The following ZNF680 variants were observed in gnomAD, a reference collection of about 807,000 sequenced individuals.
ZNF680 encodes hypothetical protein FLJ90430.
ZNF680 carries 6 observed loss-of-function variants against 12.1 expected under a neutral mutation model. The observed-to-expected ratio is 0.49, with a 90% CI of 0.27 to 0.98. ZNF680 has a LOEUF of 0.98. Ranked by LOEUF, ZNF680 falls within the 50% of genes least tolerant of loss-of-function variation. ZNF680 has a pLI of 0.12. For missense variants in ZNF680, 561 were observed against 616.3 expected, an observed-to-expected ratio of 0.91 and a Z score of 0.95; for synonymous variants, 170 against 199.3, an observed-to-expected ratio of 0.85 and a Z score of 1.24.
At chr7:64,517,225 G>A (rs1174671102), downstream of ZNF680, among the ~76,000 whole-genome samples, 12 of 151,970 alleles carry the variant, frequency 7.9e-5, no homozygotes, top group African/African-American at 2.2e-4. Context: ...AAAAAAGAGA[G>A]AATATTCAAT....
rs1298366821 is a variant in ZNF680, at chr7:64,562,941, G to A, written c.14C>T (p.Pro5Leu). The A allele has an allele frequency of 1.9e-6, 3 of 1,613,864 alleles. No individual in the cohort carries two copies. Among genetic ancestry groups the A allele is most frequent in the Non-Finnish European group, 1.7e-6 (2 of 1,179,798 alleles). MPGP[P>L]GSLEMGPLTF... ...CACTCTCACCATTTCTAGGCTTCCA[G>A]GTGGTCCTGGCATCTTAGCTGTGCA... The change falls in exon 1 of 4, where the codon CCT (proline) becomes CTT (leucine). Residue 5 changes from proline to leucine, a missense_variant. Transcript: ENST00000309683.
chr7:64,531,212 A>G (rs890259319), intron 3 of ZNF680, among the ~76,000 whole-genome samples: 1 of 152,200 alleles, frequency 6.6e-6, no homozygotes, highest in Non-Finnish European at 1.5e-5. Context: ...TTTCTCCAAG[A>G]TAGACCATAT....
chr7:64,518,894 A>G (rs1185553259), downstream of ZNF680, among the ~76,000 whole-genome samples: 3 of 152,104 alleles, frequency 2.0e-5, no homozygotes, highest in Admixed American at 2.0e-4. Flanking sequence ...AAAATTCTAG[A>G]AGATAACATT....
At chr7:64,555,884 C>G (rs1479439906) in intron 1 of ZNF680, among the ~76,000 whole-genome samples, 1 of 151,894 alleles carries the variant, frequency 6.6e-6, no homozygotes, top group Non-Finnish European at 1.5e-5. Flanking sequence ...CTTCTATGCA[C>G]ATGAACTAGA....
chr7:64,562,854 T>C (rs915399178), intron 1 of ZNF680, 71 bp downstream of exon 1: 203 of 1,585,776 alleles, frequency 1.3e-4, no homozygotes, highest in Non-Finnish European at 1.7e-4. Context: ...CCTGGAGTCC[T>C]GCCACAGCCA....
At chr7:64,510,671 G>A in the ZNF680 span, among the ~76,000 whole-genome samples, 2 of 148,626 alleles carry the variant, frequency 1.3e-5, no homozygotes, top group Non-Finnish European at 3.0e-5. Flanking sequence ...AGCACTTTGG[G>A]AGGCCAAGGC....
chr7:64,502,541 GC>G, the ZNF680 span, among the ~76,000 whole-genome samples: 1 of 152,144 alleles, frequency 6.6e-6, no homozygotes, highest in African/African-American at 2.4e-5. Context: ...TGAATGAGTT[GC>G]CATGTTAAAT....
chr7:64,521,295 C>T lies in ZNF680; in HGVS notation c.1459G>A (p.Glu487Lys). The change falls in exon 4 of 4, where the codon GAG becomes AAG. Residue 487 changes from glutamate (E) to lysine (K), a missense_variant. Physicochemically the swap from Glu to Lys is moderately conservative, Grantham distance 56. Transcript: ENST00000309683. ...LANHKRIHAREKPYKCEECGK... is the reference protein window; with the variant it reads ...LANHKRIHARKKPYKCEECGK... ...CATTCTTCACATTTGTAGGGTTTCT[C>T]TCTAGCATGAATTCTCTTATGATTA... The T allele has an allele frequency of 1.9e-6, 3 of 1,613,740 alleles. No individual in the cohort carries two copies. The highest frequency in any genetic ancestry group is 2.5e-6 in the Non-Finnish European group (3 of 1,179,720).
At chr7:64,512,390 T>C in the ZNF680 span, among the ~76,000 whole-genome samples, 8 of 147,944 alleles carry the variant, frequency 5.4e-5, no homozygotes, top group African/African-American at 1.8e-4. Context: ...GAGGCAGAGG[T>C]TGCAGTGAGC....
At chr7:64,553,618 G>A (rs531923263) in intron 1 of ZNF680, among the ~76,000 whole-genome samples, 142 of 152,340 alleles carry the variant, frequency 9.3e-4, no homozygotes, top group African/African-American at 2.8e-3. Flanking sequence ...TCCCTCTCCT[G>A]TCTCCCTCTG....
At chr7:64,546,431 C>T (rs1476415235) in intron 1 of ZNF680, among the ~76,000 whole-genome samples, 1 of 152,150 alleles carries the variant, frequency 6.6e-6, no homozygotes, top group Admixed American at 6.5e-5. Context: ...CAATGAGACG[C>T]TCCATGAAGA....
intron 3 of ZNF680, among the ~76,000 whole-genome samples, chr7:64,536,468 C>G (rs1301177219): frequency 1.3e-5 from 2 of 152,150 alleles, no homozygotes; most frequent in African/African-American, 2.4e-5. Flanking sequence ...GAAACACGTT[C>G]TTTTAATGAA....
At position 64,527,055 on chromosome 7, in the gene ZNF680, T is replaced by G. The variant is rs186880985; in HGVS notation, c.254-4555A>C. 5.1e-3 allele frequency among the ~76,000 whole-genome samples: 776 copies of G among 152,216 alleles called. 4 individuals carry two copies. Among genetic ancestry groups the G allele is most frequent in the Non-Finnish European group, 6.1e-3 (415 of 68,008 alleles). On this transcript the variant is annotated intron_variant, in intron 3 of 3. Transcript: ENST00000309683. ...GAGTTCGAGGCCATCCTGGCCAACA[T>G]GGCGAAACCCCTTCTCTACTAAAAG... is the stretch of plus-strand genomic sequence containing the variant.
chr7:64,522,170 G>A lies in ZNF680; in HGVS notation c.584C>T (p.Ser195Leu), dbSNP rs370193786. ...KECGKSFCML[S>L]HLTQHIRIHT... ...AATTCTTATATGTTGTGTTAGATGT[G>A]AAAGCATGCAAAATGATTTGCCACA... The change falls in exon 4 of 4, where the codon TCA (serine) becomes TTA (leucine). Residue 195 changes from serine to leucine, a missense_variant. Transcript: ENST00000309683. 1.2e-6 allele frequency: 2 copies of A among 1,612,894 alleles called. No individual in the cohort carries two copies. The highest frequency in any genetic ancestry group is 1.7e-6 in the Non-Finnish European group (2 of 1,179,408).
At chr7:64,546,996 T>G (rs577204322) in intron 1 of ZNF680, among the ~76,000 whole-genome samples, 2 of 152,210 alleles carry the variant, frequency 1.3e-5, no homozygotes, top group East Asian at 3.9e-4. Flanking sequence ...TACGGATGCT[T>G]CCACCAAGAA....
chr7:64,551,789 C>T (rs6953428), intron 1 of ZNF680: 117,570 of 152,968 alleles, frequency 0.77, 46,085 homozygotes, highest in African/African-American at 0.93. Flanking sequence ...AAGATTATAC[C>T]GAGAGAAAAA....
chr7:64,554,080 C>T (rs7797304), intron 1 of ZNF680, among the ~76,000 whole-genome samples: 33,261 of 149,952 alleles, frequency 0.22, 3,704 homozygotes, highest in South Asian at 0.27. Flanking sequence ...TCTGCCCGGC[C>T]GCCCAGTCTG....
intron 1 of ZNF680, among the ~76,000 whole-genome samples, chr7:64,556,092 T>C (rs996981367): frequency 8.0e-5 from 12 of 150,906 alleles, no homozygotes; most frequent in Admixed American, 6.6e-5. Flanking sequence ...AAAACAAAAA[T>C]TACAAAATGC....
intron 2 of ZNF680, 187 bp downstream of exon 2, chr7:64,544,119 G>C: frequency 1.3e-6 from 1 of 795,916 alleles, no homozygotes; most frequent in Non-Finnish European, 1.9e-6. Context: ...CAGGAATGTG[G>C]AAAGTTCAGG....
Sources: gnomAD v4.1 joint callset for allele counts (sites outside exome capture counted in the v4.1 genomes callset) on GRCh38, gnomAD v4.1.1 for gene constraint, MANE v1.5 for transcripts, NCBI Gene and HGNC (gene_info 2026-07-23, HGNC 2026-07-21) for gene names.